Variants in BCL9 observed in about 807,000 individuals in gnomAD.
BCL9 encodes the protein B-cell CLL/lymphoma 9 protein.
A neutral mutation model predicts 88.5 loss-of-function variants in BCL9; 25 were observed. The observed-to-expected ratio is 0.28, with a 90% CI of 0.21 to 0.39. The LOEUF (loss-of-function observed/expected upper bound fraction) is 0.39, where lower values mean the gene tolerates loss of function less well. BCL9 is among the 10% of genes least tolerant of loss of function. The pLI, the probability that BCL9 is intolerant of heterozygous loss-of-function variation, is 1.00. For synonymous variants in BCL9, 711 were observed against 673.3 expected (o/e 1.06, Z -0.87); for missense variants, 1,817 against 1,877.8 (o/e 0.97, Z 0.60).
intron 1 of BCL9, among the ~76,000 whole-genome samples, chr1:147,545,240 G>A (rs1437013469): frequency 6.6e-6 from 1 of 152,226 alleles, no homozygotes; most frequent in African/African-American, 2.4e-5. Context: ...CCAGCTTGCT[G>A]TGGTCTGCAT....
At chr1:147,578,142 G>A (rs587622120) in intron 1 of BCL9, among the ~76,000 whole-genome samples, 7 of 152,202 alleles carry the variant, frequency 4.6e-5, no homozygotes, top group South Asian at 2.1e-4. Context: ...TCCTGCTGGC[G>A]AATGACTGTG....
rs182686878 is a variant in BCL9 at position 147,611,492 on chromosome 1, T to C, written c.-259-86T>C. ...GGTCTAGCTGCTTCGCTGAGTTGGC[T>C]AGTGCTTTCACCTTGATCCTGTTGT... is the stretch of plus-strand genomic sequence containing the variant. On this transcript the variant is annotated intron_variant, in intron 3 of 9. Transcript: ENST00000234739. 5.2e-5 allele frequency: 17 copies of C among 329,352 alleles called. No homozygotes were observed. The East Asian group carries it at 8.1e-4, about 16-fold the overall frequency. The allele number at this position is 329,352 out of a possible 1,614,324, so 20.4% of individuals were successfully genotyped here. A position where few individuals can be genotyped will look rare whatever the true frequency, so the allele number is the denominator to read the frequency against.
At chr1:147,604,249 A>T (rs1049693739) in intron 1 of BCL9, among the ~76,000 whole-genome samples, 6 of 152,174 alleles carry the variant, frequency 3.9e-5, no homozygotes, top group African/African-American at 1.2e-4. Flanking sequence ...CCCGTCCCCC[A>T]GGTCTATCCA....
At position 147,625,096 on chromosome 1, in the gene BCL9, G is replaced by C. The variant is rs1658872580; in HGVS notation, c.*137G>C. 2 of 1,050,332 alleles carry C rather than the reference G, an allele frequency of 1.9e-6. No homozygotes were observed. Among genetic ancestry groups the C allele is most frequent in the South Asian group, 4.6e-5 (2 of 43,946 alleles). 65.1% of individuals were successfully genotyped at this position (1,050,332 alleles called of 1,614,324 possible). ...AGACCCGAGGGCTGCTTTGGGGGAG[G>C]GGGGAACTCGAGAATGTATGGATTT... On this transcript the variant is annotated 3_prime_UTR_variant, in exon 10 of 10. Coordinates refer to ENST00000234739, the MANE Select transcript of BCL9 (RefSeq NM_004326.4).
Position 147,619,814 on chromosome 1 carries a change from C to G in BCL9, c.1659C>G (p.Pro553=). The G allele has an allele frequency of 6.2e-7, 1 of 1,614,168 alleles. No individual in the cohort carries two copies. ...CCCCGAGGGGCATGGCTCCCCACCC[C>G]AACATGCCAGGGAGCCAGATGCGCC... ...SLPPRGMAPH[P]NMPGSQMRLP... Residue 553 remains proline, a synonymous_variant, in exon 8 of 10, where the codon CCC becomes CCG. Transcript: ENST00000234739. The surrounding 1 kb of genome is among the most constrained non-coding windows in gnomAD (Gnocchi z 4.1).
chr1:147,570,588 C>A (rs1459074168), intron 1 of BCL9, among the ~76,000 whole-genome samples: 4 of 151,600 alleles, frequency 2.6e-5, no homozygotes, highest in Non-Finnish European at 4.4e-5. Context: ...CCCTTTGCCC[C>A]CCATTCCCAC....
At chr1:147,587,915 C>T (rs1477442302) in intron 1 of BCL9, among the ~76,000 whole-genome samples, 1 of 151,932 alleles carries the variant, frequency 6.6e-6, no homozygotes, top group Non-Finnish European at 1.5e-5. Context: ...ATTTAAGACA[C>T]ATAAAATAAA....
intron 4 of BCL9, 22 bp downstream of exon 4, chr1:147,611,911 C>G: frequency 6.2e-7 from 1 of 1,609,394 alleles, no homozygotes; most frequent in Non-Finnish European, 8.5e-7. Flanking sequence ...GCTGGGGCCT[C>G]TTCCTGCAGC....
intron 1 of BCL9, among the ~76,000 whole-genome samples, chr1:147,579,555 A>G (rs1277070720): frequency 6.6e-6 from 1 of 152,222 alleles, no homozygotes; most frequent in African/African-American, 2.4e-5. Flanking sequence ...GGGAAATGCT[A>G]TCCTGGACTT....
At chr1:147,581,148 C>G (rs587601980) in intron 1 of BCL9, among the ~76,000 whole-genome samples, 1 of 152,292 alleles carries the variant, frequency 6.6e-6, no homozygotes, top group African/African-American at 2.4e-5. Flanking sequence ...AAAGTCTTAT[C>G]TGGTATGTCT....
intron 1 of BCL9, among the ~76,000 whole-genome samples, chr1:147,556,516 A>G (rs1553195473): frequency 2.6e-5 from 4 of 151,974 alleles, no homozygotes; most frequent in African/African-American, 9.7e-5. Context: ...CAGTGGCACA[A>G]TCACAGTCAC....
chr1:147,625,240 C>T lies in BCL9; in HGVS notation c.*281C>T, dbSNP rs782539342. ...GGCACCTACTTTTGGGAATCTGTAG[C>T]TGTGCTTTGAGAATTGCCATCGGTC... On this transcript the variant is annotated 3_prime_UTR_variant, in exon 10 of 10. Coordinates refer to ENST00000234739, the MANE Select transcript of BCL9 (RefSeq NM_004326.4). 2 of 405,456 alleles carry T rather than the reference C, an allele frequency of 4.9e-6. No homozygotes were observed. Among genetic ancestry groups the T allele is most frequent in the African/African-American group, 4.0e-5 (2 of 50,630 alleles). The allele number at this position is 405,456 out of a possible 1,614,324, so 25.1% of individuals were successfully genotyped here.
Position 147,624,127 on chromosome 1 carries a change from A to G in BCL9, c.3449A>G (p.Gln1150Arg), listed in dbSNP as rs1553205996. ...GFPPVQSPPQ[Q>R]VPFPHNGPSG... ...CCTCCAGTACAGTCTCCCCCACAGC[A>G]GGTTCCATTCCCTCACAATGGCCCC... The change falls in exon 10 of 10, where the codon CAG becomes CGG. Residue 1150 changes from glutamine to arginine, a missense_variant. This residue lies in a region of BCL9 where 589 missense variants were observed against 686.2 expected (regional missense o/e 0.86). Transcript: ENST00000234739. This position sits in a 1 kb window ranked among gnomAD's most constrained non-coding sequence, Gnocchi z 4.4. 1.7e-5 allele frequency: 27 copies of G among 1,596,618 alleles called. No homozygotes were observed. Among genetic ancestry groups the G allele is most frequent in the Non-Finnish European group, 2.3e-5 (27 of 1,169,620 alleles).
chr1:147,566,084 G>C (rs1655581818), intron 1 of BCL9, among the ~76,000 whole-genome samples: 1 of 152,180 alleles, frequency 6.6e-6, no homozygotes, highest in Non-Finnish European at 1.5e-5. Context: ...GTTGGTGGGG[G>C]AGGGGGAATA....
rs41295835 is a variant in BCL9, at chr1:147,621,075, C to T, written c.2902+18C>T. The stretch of plus-strand genomic sequence containing the variant: ...AGAGTCAGGTCAGTATGCTTGCATC[C>T]TCACAGTTGCACCTAGTAGCTGGAG... On this transcript the variant is annotated intron_variant, in intron 8 of 9. Coordinates refer to ENST00000234739, the MANE Select transcript of BCL9 (RefSeq NM_004326.4). 0.051 allele frequency: 81,988 copies of T among 1,598,948 alleles called. 2,630 individuals carry two copies. Among genetic ancestry groups the T allele is most frequent in the Non-Finnish European group, 0.059 (69,419 of 1,172,472 alleles).
At chr1:147,607,917 G>A (rs1205413793) in intron 3 of BCL9, among the ~76,000 whole-genome samples, 1 of 152,156 alleles carries the variant, frequency 6.6e-6, no homozygotes, top group Non-Finnish European at 1.5e-5. Flanking sequence ...GGAGTTGTTG[G>A]CATGGAGAGA....
chr1:147,554,272 A>G (rs1282777758), intron 1 of BCL9, among the ~76,000 whole-genome samples: 2 of 152,248 alleles, frequency 1.3e-5, no homozygotes, highest in Non-Finnish European at 2.9e-5. Flanking sequence ...CAAAGCAGAA[A>G]TACAAAGGTT....
At chr1:147,575,986 T>C (rs1236084817) in intron 1 of BCL9, among the ~76,000 whole-genome samples, 6 of 152,306 alleles carry the variant, frequency 3.9e-5, no homozygotes, top group Admixed American at 1.3e-4. Context: ...AATGATGACA[T>C]AAAATTCTCA....
chr1:147,570,729 G>A (rs587649742), intron 1 of BCL9, among the ~76,000 whole-genome samples: 19 of 146,212 alleles, frequency 1.3e-4, no homozygotes, highest in African/African-American at 4.3e-4. Flanking sequence ...TCTGCCTCCC[G>A]GGTTCAAGCG....
Sources: gnomAD v4.1 joint callset for allele counts (sites outside exome capture counted in the v4.1 genomes callset) on GRCh38, gnomAD v4.1.1 for gene constraint, gnomAD v4.1.1 regional missense constraint, Gnocchi (gnomAD v3.1) non-coding constraint, MANE v1.5 for transcripts, NCBI Gene and HGNC (gene_info 2026-07-23, HGNC 2026-07-21) for gene names.